ADCK2: variants seen among roughly 807,000 people sequenced by gnomAD.
ADCK2 encodes uncharacterized aarF domain-containing protein kinase 2.
A neutral mutation model predicts 52.3 loss-of-function variants in ADCK2; 37 were observed. The observed-to-expected ratio is 0.71, with a 90% confidence interval of 0.54 to 0.93. ADCK2 has a LOEUF of 0.93. Among genes scored for constraint, ADCK2 ranks in the 40% least tolerant of loss-of-function variants. ADCK2 has a pLI of 0.00. For missense variants in ADCK2, 695 were observed against 798.7 expected (o/e 0.87, Z 1.56); for synonymous variants, 321 against 349.2 (o/e 0.92, Z 0.90).
chr7:140,680,345 G>C (rs535530192), intron 3 of ADCK2, among the ~76,000 whole-genome samples: 1 of 151,946 alleles, frequency 6.6e-6, no homozygotes, highest in Non-Finnish European at 1.5e-5. Flanking sequence ...TAGAGCCTGG[G>C]TTTCTCCCTG....
At position 140,673,429 on chromosome 7, in the gene ADCK2, C is replaced by T; in HGVS notation, c.99C>T (p.Cys33=). 1.2e-6 allele frequency: 2 copies of T among 1,603,552 alleles called. No individual in the cohort carries two copies. The highest frequency in any genetic ancestry group is 2.3e-5 in the East Asian group (1 of 44,394). Residue 33 remains cysteine, a synonymous_variant, in exon 1 of 8, where the codon TGC becomes TGT. Coordinates refer to ENST00000072869, the MANE Select transcript of ADCK2 (RefSeq NM_052853.4). The surrounding 1 kb of genome is among the most constrained non-coding windows in gnomAD (Gnocchi z 6.4). ...TCAGCCTCCTGAGGCCCTCCGAGTGCCCTCGCGATGCCAGGCTCTGCTGGC... is the reference window on the plus strand; with the variant it reads ...TCAGCCTCCTGAGGCCCTCCGAGTGTCCTCGCGATGCCAGGCTCTGCTGGC... ...QGLSLLRPSE[C]PRDARLCWLL...
At chr7:140,689,400 C>T (rs560072802) in intron 5 of ADCK2, among the ~76,000 whole-genome samples, 197 bp from the exon 6 acceptor site, 6 of 152,032 alleles carry the variant, frequency 3.9e-5, no homozygotes, top group Admixed American at 6.5e-5. Context: ...AGCACTGAGG[C>T]GCAGTGCAGC....
Position 140,673,705 on chromosome 7 carries a change from C to A in ADCK2, c.375C>A (p.Ser125Arg), listed in dbSNP as rs1170912956. ...LLYPLTYLAP[S>R]VSTLWLHLLL... ...ACCCCCTCACCTACCTGGCTCCCAGCGTCTCCACCCTCTGGCTCCACCTGC... is the reference window on the plus strand; with the variant it reads ...ACCCCCTCACCTACCTGGCTCCCAGAGTCTCCACCCTCTGGCTCCACCTGC... Residue 125 changes from serine (S) to arginine (R), a missense_variant, in exon 1 of 8, where the codon AGC becomes AGA. Physicochemically the swap from Ser to Arg is moderately radical, Grantham distance 110. Coordinates refer to ENST00000072869, the MANE Select transcript of ADCK2 (RefSeq NM_052853.4). This position sits in a 1 kb window ranked among gnomAD's most constrained non-coding sequence, Gnocchi z 6.4. 6.2e-7 allele frequency: 1 copy of A among 1,612,050 alleles called. No homozygotes were observed. Among genetic ancestry groups the A allele is most frequent in the African/African-American group, 1.3e-5 (1 of 74,992 alleles).
rs4725798 is a variant in ADCK2 at position 140,678,721 on chromosome 7, C to T, written c.1081-434C>T. ...GAGAGTAGCAGTGGCAGTGTCGATG[C>T]GGTGGGTGGAGAGCTGCCGCGAGAT... On this transcript the variant is annotated intron_variant, in intron 2 of 7. Transcript: ENST00000072869. The surrounding 1 kb of genome is among the most constrained non-coding windows in gnomAD (Gnocchi z 4.9). Among the ~76,000 whole-genome samples the T allele has an allele frequency of 5.8e-3, 877 of 152,036 alleles. 36 individuals are homozygous for T. Among genetic ancestry groups the T allele is most frequent in the Admixed American group, 0.053 (803 of 15,278 alleles).
At chr7:140,689,102 G>A (rs1414245290) in intron 5 of ADCK2, among the ~76,000 whole-genome samples, 2 of 151,698 alleles carry the variant, frequency 1.3e-5, no homozygotes, top group Non-Finnish European at 2.9e-5. Context: ...CAGGTAGCTG[G>A]GATTACAGGT....
In ADCK2 at chr7:140,687,117, T is replaced by C. The variant is rs200625798; in HGVS notation, c.1433T>C (p.Val478Ala). ...QQADICDTLV[V>A]AVPSSLCPLR... Reference sequence around the variant, plus strand: ...GCGGACATCTGTGACACTCTGGTGGTGGCCGTGCCATCTTCCCTCTGCCCG... The same window carrying C: ...GCGGACATCTGTGACACTCTGGTGGCGGCCGTGCCATCTTCCCTCTGCCCG... The change falls in exon 5 of 8, where the codon GTG (valine) becomes GCG (alanine). Residue 478 changes from valine (V) to alanine (A), a missense_variant. Transcript: ENST00000072869. 4.2e-5 allele frequency: 68 copies of C among 1,613,846 alleles called. 1 individual carries two copies. The Middle Eastern group carries it at 1.0e-3, about 24-fold the overall frequency.
chr7:140,686,872 C>A, intron 4 of ADCK2, 118 bp from the exon 5 acceptor site: 2 of 1,363,464 alleles, frequency 1.5e-6, no homozygotes, highest in South Asian at 2.7e-5. Flanking sequence ...AGGACATGCA[C>A]CTCTTTGCGG....
At chr7:140,681,567 G>A (rs539507839) in intron 4 of ADCK2, among the ~76,000 whole-genome samples, 16 of 151,516 alleles carry the variant, frequency 1.1e-4, no homozygotes, top group African/African-American at 3.6e-4. Context: ...TGATCCACCC[G>A]CCTTGGCCTC....
chr7:140,692,922 T>C (rs1006156947), intron 7 of ADCK2, among the ~76,000 whole-genome samples: 2 of 152,236 alleles, frequency 1.3e-5, no homozygotes, highest in African/African-American at 4.8e-5. Context: ...CCATAGGAGC[T>C]GTACCATTTT....
chr7:140,678,113 CTGTT>C lies in ADCK2; in HGVS notation c.1081-1038_1081-1035del, dbSNP rs1794451189. On this transcript the variant is annotated intron_variant, in intron 2 of 7. Transcript: ENST00000072869. The surrounding 1 kb of genome is among the most constrained non-coding windows in gnomAD (Gnocchi z 4.9). ...GTCAAGGAGCACACTCGAGGCACCT[CTGTT>C]TGTGCTCAGGTGACTGGACCTGAGG... is the stretch of plus-strand genomic sequence containing the variant. Among the ~76,000 whole-genome samples the C allele has an allele frequency of 6.6e-6, 1 of 152,152 alleles. No individual in the cohort carries two copies. Among genetic ancestry groups the C allele is most frequent in the Non-Finnish European group, 1.5e-5 (1 of 68,036 alleles).
intron 4 of ADCK2, among the ~76,000 whole-genome samples, chr7:140,686,523 C>G (rs151112934): frequency 6.6e-5 from 10 of 152,244 alleles, no homozygotes; most frequent in Non-Finnish European, 1.5e-4. Context: ...TCAAGTGATC[C>G]GCCCACCTCA....
chr7:140,674,561 A>T lies in ADCK2; in HGVS notation c.934-50A>T, dbSNP rs757363051. On this transcript the variant is annotated intron_variant, in intron 1 of 7. Transcript: ENST00000072869. This position sits in a 1 kb window ranked among gnomAD's most constrained non-coding sequence, Gnocchi z 4.6. Reference sequence around the variant, plus strand: ...TGGTGGGACCCAGCCCTGGCTGGGTAAAATGTGTCCAGCAGGTTTCTCCTG... The same window carrying T: ...TGGTGGGACCCAGCCCTGGCTGGGTTAAATGTGTCCAGCAGGTTTCTCCTG... 1 of 1,579,802 alleles carries T rather than the reference A, an allele frequency of 6.3e-7. No individual in the cohort carries two copies. Among genetic ancestry groups the T allele is most frequent in the East Asian group, 2.3e-5 (1 of 44,278 alleles).
chr7:140,691,262 A>G (rs188689759), intron 7 of ADCK2, among the ~76,000 whole-genome samples: 33 of 152,304 alleles, frequency 2.2e-4, no homozygotes, highest in African/African-American at 6.0e-4. Flanking sequence ...GTAACAAGCC[A>G]TTTGCAACAA....
intron 4 of ADCK2, among the ~76,000 whole-genome samples, chr7:140,686,081 CG>C (rs1794600214): frequency 6.6e-6 from 1 of 151,998 alleles, no homozygotes; most frequent in African/African-American, 2.4e-5. Flanking sequence ...GTTGAAGTAA[CG>C]GAGGGAAAGT....
At chr7:140,676,048 T>C (rs1380517587) in intron 2 of ADCK2, among the ~76,000 whole-genome samples, 1 of 152,222 alleles carries the variant, frequency 6.6e-6, no homozygotes, top group Non-Finnish European at 1.5e-5. Flanking sequence ...GAAAGTCTCT[T>C]AGTCTGTTCG....
At chr7:140,688,689 C>T (rs541210170) in intron 5 of ADCK2, among the ~76,000 whole-genome samples, 12 of 152,302 alleles carry the variant, frequency 7.9e-5, no homozygotes, top group South Asian at 2.1e-4. Flanking sequence ...TGGTGAGATG[C>T]GACAGCATAG....
At chr7:140,686,003 C>T (rs1794599037) in intron 4 of ADCK2, among the ~76,000 whole-genome samples, 1 of 152,174 alleles carries the variant, frequency 6.6e-6, no homozygotes, top group Non-Finnish European at 1.5e-5. Flanking sequence ...TGTCCTCCTC[C>T]ACAGAAGGGC....
At chr7:140,683,143 TA>T (rs1301274590) in intron 4 of ADCK2, among the ~76,000 whole-genome samples, 1 of 150,322 alleles carries the variant, frequency 6.7e-6, no homozygotes, top group Non-Finnish European at 1.5e-5. Context: ...TCTACTAAAA[TA>T]CAAAAAATTA....
chr7:140,679,109 C>T, intron 2 of ADCK2, 46 bp from the exon 3 acceptor site: 1 of 1,605,660 alleles, frequency 6.2e-7, no homozygotes, highest in African/African-American at 1.3e-5. Flanking sequence ...TGTCACTGTG[C>T]CTGTACCCAG....
Sources: gnomAD v4.1 joint callset for allele counts (sites outside exome capture counted in the v4.1 genomes callset) on GRCh38, gnomAD v4.1.1 for gene constraint, Gnocchi (gnomAD v3.1) non-coding constraint, MANE v1.5 for transcripts, NCBI Gene and HGNC (gene_info 2026-07-23, HGNC 2026-07-21) for gene names.